Variants in PRSS23 observed in about 807,000 individuals in gnomAD.
The protein encoded by PRSS23 is protease, serine 23.
In PRSS23, 25 loss-of-function variants were observed where a neutral mutation model predicts 34.7. The observed-to-expected ratio is 0.72, with a 90% CI of 0.53 to 1.01. PRSS23 has a LOEUF of 1.01. Ranked by LOEUF, PRSS23 falls within the 50% of genes least tolerant of loss-of-function variation. The probability of loss-of-function intolerance (pLI) is 0.00; values close to 1 mark genes in which losing one functional copy is unlikely to be tolerated. For synonymous variants in PRSS23, 176 were observed against 186.6 expected (o/e 0.94, Z 0.46); for missense variants, 445 against 475.6 (o/e 0.94, Z 0.60).
intron 2 of PRSS23, among the ~76,000 whole-genome samples, chr11:86,869,119 C>G (rs1329678410): frequency 6.6e-6 from 1 of 152,124 alleles, no homozygotes; most frequent in Admixed American, 6.6e-5. Flanking sequence ...TTTAATGACT[C>G]TGAAATTCAT....
At chr11:86,802,317 A>G (rs529515181) in intron 1 of PRSS23, among the ~76,000 whole-genome samples, 9 of 152,324 alleles carry the variant, frequency 5.9e-5, no homozygotes, top group African/African-American at 2.2e-4. Context: ...TTTGACCACA[A>G]GATTGTGTTT....
intron 2 of PRSS23, among the ~76,000 whole-genome samples, chr11:86,870,086 A>G (rs547761177): frequency 1.3e-5 from 2 of 152,206 alleles, no homozygotes; most frequent in Non-Finnish European, 2.9e-5. Flanking sequence ...TGGAAGAGAA[A>G]AGATTCAAAT....
At chr11:86,850,262 G>A (rs918528138) in intron 2 of PRSS23, among the ~76,000 whole-genome samples, 1 of 152,094 alleles carries the variant, frequency 6.6e-6, no homozygotes, top group Non-Finnish European at 1.5e-5. Context: ...AGAAACCCTG[G>A]AATGACCCGT....
At chr11:86,940,236 T>C (rs760616181) in intron 2 of PRSS23, among the ~76,000 whole-genome samples, 1 of 152,150 alleles carries the variant, frequency 6.6e-6, no homozygotes, top group Admixed American at 6.5e-5. Flanking sequence ...CCAGGGCTAC[T>C]TGGTCAGTGT....
At chr11:86,831,691 T>C (rs1056964019) in intron 2 of PRSS23, among the ~76,000 whole-genome samples, 2 of 151,764 alleles carry the variant, frequency 1.3e-5, no homozygotes, top group Non-Finnish European at 2.9e-5. Context: ...ACAGGGGGTG[T>C]ACACACTGTG....
intron 2 of PRSS23, chr11:86,932,665 T>C (rs547591202): frequency 1.3e-5 from 2 of 152,294 alleles, no homozygotes; most frequent in East Asian, 3.9e-4. Context: ...ATGTTGATTT[T>C]GTTTTCTCAA....
intron 2 of PRSS23, among the ~76,000 whole-genome samples, chr11:86,898,012 T>G (rs1428173781): frequency 6.6e-6 from 1 of 152,204 alleles, no homozygotes; most frequent in Non-Finnish European, 1.5e-5. Context: ...TGCTAGTAAG[T>G]GCTCTCATTT....
chr11:86,812,645 G>A (rs192017296), downstream of PRSS23, among the ~76,000 whole-genome samples: 15 of 152,004 alleles, frequency 9.9e-5, no homozygotes, highest in East Asian at 3.9e-4. Context: ...AAAATTGGCC[G>A]GGCATGGTGG....
chr11:86,848,354 G>A (rs1948503093), intron 2 of PRSS23, among the ~76,000 whole-genome samples: 2 of 152,314 alleles, frequency 1.3e-5, no homozygotes, highest in East Asian at 3.9e-4. Context: ...TGGCCTTGGA[G>A]GAGAGGGAAA....
At chr11:86,836,950 A>C (rs1033972976) in intron 2 of PRSS23, 1 of 152,312 alleles carries the variant, frequency 6.6e-6, no homozygotes, top group African/African-American at 2.4e-5. Context: ...AGCAATCCAC[A>C]CTCAGCAATA....
chr11:86,914,038 C>T (rs1948996220), intron 2 of PRSS23, among the ~76,000 whole-genome samples: 1 of 55,802 alleles, frequency 1.8e-5, no homozygotes, highest in South Asian at 6.5e-4. Flanking sequence ...AACACCATCT[C>T]TACTAAAAAA....
At chr11:86,919,890 C>A (rs1238818209) in intron 2 of PRSS23, among the ~76,000 whole-genome samples, 2 of 152,204 alleles carry the variant, frequency 1.3e-5, no homozygotes, top group African/African-American at 4.8e-5. Context: ...CTTCACTTAG[C>A]ATGGCTCTAA....
At chr11:86,932,536 A>C (rs1290657788) in intron 2 of PRSS23, among the ~76,000 whole-genome samples, 1 of 152,058 alleles carries the variant, frequency 6.6e-6, no homozygotes, top group Non-Finnish European at 1.5e-5. Context: ...AGCTGTGTGG[A>C]AATCAGGCAA....
upstream of PRSS23, among the ~76,000 whole-genome samples, chr11:86,798,207 T>C (rs991532715): frequency 5.9e-5 from 9 of 152,222 alleles, no homozygotes; most frequent in African/African-American, 2.2e-4. Flanking sequence ...AGATCCTCAA[T>C]TTAATCTTTA....
intron 2 of PRSS23, among the ~76,000 whole-genome samples, chr11:86,849,634 T>C (rs1948514187): frequency 6.6e-6 from 1 of 152,236 alleles, no homozygotes; most frequent in African/African-American, 2.4e-5. Flanking sequence ...GTAGCAGTCC[T>C]TGCAACACCC....
intron 2 of PRSS23, among the ~76,000 whole-genome samples, chr11:86,849,557 C>A (rs1014760614): frequency 6.6e-6 from 1 of 152,124 alleles, no homozygotes; most frequent in East Asian, 1.9e-4. Context: ...TCCCTTAAGG[C>A]CTGAAGCTCA....
intron 2 of PRSS23, among the ~76,000 whole-genome samples, chr11:86,886,181 G>A (rs1013513883): frequency 6.6e-6 from 1 of 152,132 alleles, no homozygotes; most frequent in Non-Finnish European, 1.5e-5. Context: ...CTGGACAACA[G>A]TGAGACCCCA....
intron 1 of PRSS23, among the ~76,000 whole-genome samples, chr11:86,819,508 A>G (rs2134871663): frequency 6.6e-6 from 1 of 152,282 alleles, no homozygotes; most frequent in East Asian, 1.9e-4. Context: ...ACATGAATAT[A>G]AACCCATAAT....
chr11:86,833,473 G>GTATA (rs140297591), intron 2 of PRSS23: 35 of 359,560 alleles, frequency 9.7e-5, no homozygotes, highest in African/African-American at 1.9e-4. Context: ...GTTCGGACAT[G>GTATA]TATATATATA....
Sources: gnomAD v4.1 joint callset for allele counts (sites outside exome capture counted in the v4.1 genomes callset) on GRCh38, gnomAD v4.1.1 for gene constraint, MANE v1.5 for transcripts, NCBI Gene and HGNC (gene_info 2026-07-23, HGNC 2026-07-21) for gene names.